The following C14orf132 variants were observed in gnomAD, a reference collection of about 807,000 sequenced individuals.
C14orf132 encodes the protein chromosome 14 open reading frame 132.
C14orf132 carries 6 observed loss-of-function variants against 5.8 expected under a neutral mutation model. The ratio of observed to expected loss-of-function variants is 1.03; its 90% CI spans 0.57 to 2.04. C14orf132 has a LOEUF of 2.04. C14orf132 is among the 30% of genes most tolerant of loss of function. The pLI is 0.00. For synonymous variants in C14orf132, 51 were observed against 49.8 expected, an observed-to-expected ratio of 1.02 and a Z score of -0.10; for missense variants, 125 against 115.8, an observed-to-expected ratio of 1.08 and a Z score of -0.37.
rs146982467 is a variant in C14orf132 at position 96,072,576 on chromosome 14, G to T, written c.28-13935G>T. ...TTCTCTAACTTGTAACAAATGCACA[G>T]AACCCTGTGACCATGACCACAATAA... is the stretch of plus-strand genomic sequence containing the variant. On this transcript the variant is annotated intron_variant, in intron 1 of 1. Transcript: ENST00000555004. Among the ~76,000 whole-genome samples, 286 of 152,308 alleles carry T rather than the reference G, an allele frequency of 1.9e-3. 1 individual carries two copies. Among genetic ancestry groups the T allele is most frequent in the African/African-American group, 6.5e-3 (272 of 41,560 alleles).
intron 1 of C14orf132, among the ~76,000 whole-genome samples, chr14:96,063,665 G>C (rs1887430015): frequency 6.6e-6 from 1 of 152,094 alleles, no homozygotes; most frequent in South Asian, 2.1e-4. Flanking sequence ...GCTTAGGCAA[G>C]GATTTGGTGA....
chr14:96,052,197 C>A (rs942790756), intron 1 of C14orf132, among the ~76,000 whole-genome samples: 2 of 152,250 alleles, frequency 1.3e-5, no homozygotes, highest in African/African-American at 2.4e-5. Flanking sequence ...ATGTGAGCCC[C>A]AGAGAGTGTG....
chr14:96,086,021 A>G (rs1888172291), intron 1 of C14orf132, among the ~76,000 whole-genome samples: 1 of 151,920 alleles, frequency 6.6e-6, no homozygotes, highest in African/African-American at 2.4e-5. Flanking sequence ...CACAGAGGAA[A>G]AAAAGATTGG....
rs1202000075 is a variant in C14orf132, at chr14:96,092,200, C to T, written c.*5465C>T. On this transcript the variant is annotated 3_prime_UTR_variant, in exon 2 of 2. Transcript: ENST00000555004. Reference sequence around the variant, plus strand: ...AGAGAATGACGTGGACATTGGTCCTCGGAGAGGCTGCGTAGGTGGTGCGGT... The same window carrying T: ...AGAGAATGACGTGGACATTGGTCCTTGGAGAGGCTGCGTAGGTGGTGCGGT... 5 of 152,234 alleles carry T rather than the reference C, an allele frequency of 3.3e-5. No individual in the cohort carries two copies. Among genetic ancestry groups the T allele is most frequent in the African/African-American group, 9.7e-5 (4 of 41,444 alleles). The allele number at this position is 152,234 out of a possible 1,614,324, so 9.4% of individuals were successfully genotyped here.
At chr14:96,067,697 C>CT (rs1006986641) in intron 1 of C14orf132, among the ~76,000 whole-genome samples, 1 of 147,464 alleles carries the variant, frequency 6.8e-6, no homozygotes, top group African/African-American at 2.6e-5. Flanking sequence ...GAAACTCCGC[C>CT]TAAAAAAAAA....
At chr14:96,065,426 C>T (rs1887502338) in intron 1 of C14orf132, among the ~76,000 whole-genome samples, 1 of 152,076 alleles carries the variant, frequency 6.6e-6, no homozygotes, top group Non-Finnish European at 1.5e-5. Context: ...CCAAAAGGAT[C>T]CACTTAGGGA....
At chr14:96,043,696 C>T (rs1250574195) in intron 1 of C14orf132, among the ~76,000 whole-genome samples, 1 of 152,076 alleles carries the variant, frequency 6.6e-6, no homozygotes. Flanking sequence ...GTAAGCCCAC[C>T]CTATAGGATA....
At chr14:96,068,221 A>G (rs1458157401) in intron 1 of C14orf132, among the ~76,000 whole-genome samples, 1 of 152,212 alleles carries the variant, frequency 6.6e-6, no homozygotes, top group African/African-American at 2.4e-5. Flanking sequence ...GGAAAGCTTA[A>G]TGAAAGAGCA....
chr14:96,050,252 G>T (rs61982727), intron 1 of C14orf132, among the ~76,000 whole-genome samples: 9,254 of 152,276 alleles, frequency 0.061, 385 homozygotes, highest in East Asian at 0.15. Context: ...ATGCAGTTCA[G>T]ATGCTTGAGA....
chr14:96,061,223 G>C (rs571316804), intron 1 of C14orf132, among the ~76,000 whole-genome samples: 4 of 152,116 alleles, frequency 2.6e-5, no homozygotes, highest in Non-Finnish European at 5.9e-5. Context: ...CCCACATTTA[G>C]AGATAAGAAC....
At chr14:96,052,803 C>G (rs565290871) in intron 1 of C14orf132, among the ~76,000 whole-genome samples, 1 of 152,218 alleles carries the variant, frequency 6.6e-6, no homozygotes, top group East Asian at 1.9e-4. Flanking sequence ...AGGCATTCTG[C>G]GCAGTACCCT....
At chr14:96,040,250 C>A (rs1886654810) in intron 1 of C14orf132, 1 of 396,844 alleles carries the variant, frequency 2.5e-6, no homozygotes, top group Admixed American at 4.4e-5. Context: ...GATTCTATTT[C>A]TGTGCCTTAA....
chr14:96,053,655 G>A (rs999392768), intron 1 of C14orf132, among the ~76,000 whole-genome samples: 3 of 152,194 alleles, frequency 2.0e-5, no homozygotes, highest in Non-Finnish European at 4.4e-5. Flanking sequence ...GAGGAGCAGA[G>A]CCCCACCCCC....
chr14:96,046,859 T>C (rs1424280361), intron 1 of C14orf132, among the ~76,000 whole-genome samples: 11 of 152,192 alleles, frequency 7.2e-5, no homozygotes, highest in Admixed American at 7.2e-4. Flanking sequence ...ACAAAAGACA[T>C]CTCTTCCTAT....
intron 1 of C14orf132, among the ~76,000 whole-genome samples, chr14:96,077,178 C>T (rs1887894549): frequency 6.6e-6 from 1 of 152,190 alleles, no homozygotes; most frequent in South Asian, 2.1e-4. Context: ...TGGTGACATT[C>T]AGGTCTTCTG....
At chr14:96,072,837 T>G (rs1340236505) in intron 1 of C14orf132, among the ~76,000 whole-genome samples, 1 of 152,188 alleles carries the variant, frequency 6.6e-6, no homozygotes, top group African/African-American at 2.4e-5. Context: ...TATCGCCAAG[T>G]GGGATTATAT....
chr14:96,053,747 G>A (rs1237730166), intron 1 of C14orf132, among the ~76,000 whole-genome samples: 1 of 152,186 alleles, frequency 6.6e-6, no homozygotes, highest in Non-Finnish European at 1.5e-5. Context: ...TGTTAGCCAG[G>A]TCACACGGCT....
intron 1 of C14orf132, among the ~76,000 whole-genome samples, chr14:96,058,503 C>A (rs1018821013): frequency 6.6e-6 from 1 of 152,054 alleles, no homozygotes; most frequent in African/African-American, 2.4e-5. Context: ...TGAAAGACTC[C>A]AATCCTTCAC....
At chr14:96,074,866 G>GTTTT (rs33947260) in intron 1 of C14orf132, among the ~76,000 whole-genome samples, 2 of 150,426 alleles carry the variant, frequency 1.3e-5, no homozygotes, top group African/African-American at 4.9e-5. Context: ...CACCAAATTT[G>GTTTT]TTTTCTTTTT....
Sources: allele counts gnomAD v4.1 joint callset (sites outside exome capture counted in the v4.1 genomes callset), GRCh38; gene constraint gnomAD v4.1.1; transcripts MANE v1.5; gene names NCBI Gene and HGNC (gene_info 2026-07-23, HGNC 2026-07-21).